CDH22: variants seen among roughly 807,000 people sequenced by gnomAD.
The protein encoded by CDH22 is cadherin 22.
In CDH22, 30 loss-of-function variants were observed where a neutral mutation model predicts 58.4. The observed-to-expected ratio is 0.51, with a 90% confidence interval of 0.38 to 0.70. The LOEUF (loss-of-function observed/expected upper bound fraction) is 0.70, where lower values mean the gene tolerates loss of function less well. Among genes scored for constraint, CDH22 ranks in the 30% least tolerant of loss-of-function variants. The pLI, the probability that CDH22 is intolerant of heterozygous loss-of-function variation, is 0.00. For missense variants in CDH22, 1,014 were observed against 1,233.9 expected, an observed-to-expected ratio of 0.82 and a Z score of 2.67; for synonymous variants, 513 against 558.2, an observed-to-expected ratio of 0.92 and a Z score of 1.14.
At chr20:46,250,896 C>A (rs956751902) in intron 2 of CDH22, 144 bp downstream of exon 2, 1 of 560,094 alleles carries the variant, frequency 1.8e-6, no homozygotes, top group Non-Finnish European at 3.2e-6. Flanking sequence ...GGGCTCTGGG[C>A]CCCCTTATCA....
intron 1 of CDH22, among the ~76,000 whole-genome samples, chr20:46,290,632 C>T (rs560545982): frequency 3.0e-4 from 45 of 152,246 alleles, no homozygotes; most frequent in Admixed American, 2.7e-3. Flanking sequence ...CCCCCTCCTC[C>T]TGGATGGAGC....
chr20:46,232,042 C>A (rs2145716835), intron 3 of CDH22, among the ~76,000 whole-genome samples: 1 of 152,300 alleles, frequency 6.6e-6, no homozygotes, highest in East Asian at 1.9e-4. Flanking sequence ...AGTAGAAGAC[C>A]CCTGGACACC....
At chr20:46,215,979 G>A (rs1657524890) in intron 5 of CDH22, among the ~76,000 whole-genome samples, 1 of 152,044 alleles carries the variant, frequency 6.6e-6, no homozygotes, top group South Asian at 2.1e-4. Flanking sequence ...GAGGCTGTAG[G>A]CCACAATGAT....
intron 4 of CDH22, among the ~76,000 whole-genome samples, chr20:46,219,225 A>G (rs1013545510): frequency 6.6e-6 from 1 of 152,134 alleles, no homozygotes; most frequent in Non-Finnish European, 1.5e-5. Flanking sequence ...TGGCCTTCTC[A>G]ACGCCTCAGT....
At chr20:46,226,293 T>TTC (rs1491394191) in intron 4 of CDH22, among the ~76,000 whole-genome samples, 2 of 114,766 alleles carry the variant, frequency 1.7e-5, no homozygotes, top group Admixed American at 1.9e-4. Context: ...CTTCTTCTTC[T>TTC]TTTTTTTTTT....
chr20:46,195,756 G>A (rs532435948), intron 8 of CDH22, among the ~76,000 whole-genome samples: 40 of 152,282 alleles, frequency 2.6e-4, no homozygotes, highest in African/African-American at 9.1e-4. Context: ...TAATGTCAGT[G>A]GAAGGAGCGT....
intron 4 of CDH22, among the ~76,000 whole-genome samples, chr20:46,221,420 T>G (rs1440245551): frequency 6.6e-6 from 1 of 152,082 alleles, no homozygotes; most frequent in East Asian, 1.9e-4. Context: ...AGGTCCAAGA[T>G]GGCTCATTTA....
At chr20:46,275,508 T>G (rs1960008076) in intron 1 of CDH22, among the ~76,000 whole-genome samples, 1 of 152,220 alleles carries the variant, frequency 6.6e-6, no homozygotes, top group African/African-American at 2.4e-5. Flanking sequence ...TACTTATTTA[T>G]GATGCTTATT....
chr20:46,262,504 C>T (rs1366919664), intron 1 of CDH22, among the ~76,000 whole-genome samples: 1 of 152,162 alleles, frequency 6.6e-6, no homozygotes, highest in Non-Finnish European at 1.5e-5. Flanking sequence ...CTTCCTTGCT[C>T]CCTTTCCCCT....
chr20:46,175,054 G>C lies in CDH22; in HGVS notation c.1939C>G (p.Leu647Val). Residue 647 changes from leucine to valine, a missense_variant, in exon 12 of 12, where the codon CTC becomes GTC. By Grantham distance (32) the Leu-to-Val change is conservative. Coordinates refer to ENST00000537909, the MANE Select transcript of CDH22 (RefSeq NM_021248.3). ...LVVLVLLILT[L>V]RRHHKSHLSS... The stretch of plus-strand genomic sequence containing the variant: ...AGGTGGCTCTTGTGGTGGCGCCTGA[G>C]GGTGAGGATCAGCAGCACCAGCACT... 1 of 1,608,946 alleles carries C rather than the reference G, an allele frequency of 6.2e-7. No individual in the cohort carries two copies. Among genetic ancestry groups the C allele is most frequent in the Non-Finnish European group, 8.5e-7 (1 of 1,179,098 alleles).
At chr20:46,189,493 T>C (rs1436951824) in intron 8 of CDH22, among the ~76,000 whole-genome samples, 1 of 149,312 alleles carries the variant, frequency 6.7e-6, no homozygotes, top group Non-Finnish European at 1.5e-5. Context: ...GTGGTGGGGG[T>C]GTGTGGGCTG....
chr20:46,186,720 G>A lies in CDH22; in HGVS notation c.1546-15C>T, dbSNP rs375020885. On this transcript the variant is annotated splice_polypyrimidine_tract_variant and intron_variant, in intron 9 of 11. Coordinates refer to ENST00000537909, the MANE Select transcript of CDH22 (RefSeq NM_021248.3). ...GTCTGGATGAGCTGAAGGGTGAGGA[G>A]GGGATAGAGGGCTAGTGGTGAGGCT... 9.3e-6 allele frequency: 15 copies of A among 1,611,948 alleles called. No homozygotes were observed. Among genetic ancestry groups the A allele is most frequent in the Non-Finnish European group, 1.3e-5 (15 of 1,178,432 alleles).
chr20:46,237,904 C>T (rs1364340082), intron 3 of CDH22, among the ~76,000 whole-genome samples: 1 of 152,180 alleles, frequency 6.6e-6, no homozygotes, highest in Admixed American at 6.5e-5. Flanking sequence ...TATGTAGGTA[C>T]TTTCTTCTCT....
chr20:46,305,393 C>CG (rs1457344917), intron 1 of CDH22, among the ~76,000 whole-genome samples: 1 of 152,140 alleles, frequency 6.6e-6, no homozygotes, highest in Non-Finnish European at 1.5e-5. Flanking sequence ...CCCACTCTTG[C>CG]GGGGGGCATG....
chr20:46,274,116 C>A (rs938922597), intron 1 of CDH22, among the ~76,000 whole-genome samples: 1 of 152,258 alleles, frequency 6.6e-6, no homozygotes, highest in African/African-American at 2.4e-5. Context: ...ATTTTGTCAT[C>A]TCCCTTGGGG....
In CDH22 at chr20:46,217,002, G is replaced by A. The variant is rs370006026; in HGVS notation, c.671-9C>T. Reference sequence around the variant, plus strand: ...AGCCGTCCGGATTACGCCTGTGGGTGAGTGAGGGTGAGGCCAGGGCACCCC... The same window carrying A: ...AGCCGTCCGGATTACGCCTGTGGGTAAGTGAGGGTGAGGCCAGGGCACCCC... On this transcript the variant is annotated splice_polypyrimidine_tract_variant and intron_variant, in intron 4 of 11. Coordinates refer to ENST00000537909, the MANE Select transcript of CDH22 (RefSeq NM_021248.3). The A allele has an allele frequency of 2.7e-5, 43 of 1,581,166 alleles. No individual in the cohort carries two copies. The highest frequency in any genetic ancestry group is 3.6e-5 in the Non-Finnish European group (42 of 1,157,450).
At chr20:46,188,385 C>T (rs1232149017) in intron 8 of CDH22, among the ~76,000 whole-genome samples, 1 of 152,184 alleles carries the variant, frequency 6.6e-6, no homozygotes, top group Non-Finnish European at 1.5e-5. Context: ...CCTGCAAAAT[C>T]GGTCTAATAT....
intron 1 of CDH22, among the ~76,000 whole-genome samples, chr20:46,283,993 C>T (rs188936665): frequency 6.6e-6 from 1 of 152,222 alleles, no homozygotes; most frequent in African/African-American, 2.4e-5. Context: ...TAATTAGTCC[C>T]CTTAATGCCG....
intron 8 of CDH22, among the ~76,000 whole-genome samples, chr20:46,195,267 G>A (rs2085890569): frequency 6.6e-6 from 1 of 152,218 alleles, no homozygotes; most frequent in African/African-American, 2.4e-5. Flanking sequence ...TGCCTACTGT[G>A]TGCCTGGCCT....
Sources: allele counts gnomAD v4.1 joint callset (sites outside exome capture counted in the v4.1 genomes callset), GRCh38; gene constraint gnomAD v4.1.1; transcripts MANE v1.5; gene names NCBI Gene and HGNC (gene_info 2026-07-23, HGNC 2026-07-21).